ABI3BP: variants seen among roughly 807,000 people sequenced by gnomAD.
ABI3BP encodes the protein target of Nesh-SH3.
In ABI3BP, 216 loss-of-function variants were observed where a neutral mutation model predicts 268.6. The observed-to-expected ratio is 0.80, with a 90% CI of 0.72 to 0.90. The LOEUF (loss-of-function observed/expected upper bound fraction) is 0.90, where lower values mean the gene tolerates loss of function less well. ABI3BP is among the 40% of genes least tolerant of loss of function. The probability of loss-of-function intolerance (pLI) is 0.00; values close to 1 mark genes in which losing one functional copy is unlikely to be tolerated. For missense variants in ABI3BP, 2,090 were observed against 2,182.4 expected, an observed-to-expected ratio of 0.96 and a Z score of 0.84; for synonymous variants, 730 against 730.0, an observed-to-expected ratio of 1.00 and a Z score of 0.00.
At chr3:100,893,965 G>C (rs2045966439) in intron 4 of ABI3BP, among the ~76,000 whole-genome samples, 1 of 152,064 alleles carries the variant, frequency 6.6e-6, no homozygotes, top group African/African-American at 2.4e-5. Context: ...AGAGTGAGTT[G>C]ATAAAGGATA....
chr3:100,867,220 A>G (rs551412619), intron 9 of ABI3BP, among the ~76,000 whole-genome samples: 1 of 130,730 alleles, frequency 7.6e-6, no homozygotes, highest in South Asian at 2.6e-4. Context: ...AAAAATCACA[A>G]CCCAATACTT....
Position 100,840,306 on chromosome 3 carries a change from T to C in ABI3BP, c.1805-142A>G. The C allele has an allele frequency of 1.5e-5, 10 of 645,446 alleles. No individual in the cohort carries two copies. The South Asian group carries it at 2.2e-4, about 14-fold the overall frequency. The allele number at this position is 645,446 out of a possible 1,614,324, so 40.0% of individuals were successfully genotyped here. A position where few individuals can be genotyped will look rare whatever the true frequency, so the allele number is the denominator to read the frequency against. Reference sequence around the variant, plus strand: ...CCATCTGTTTTGCAAACTTCTATCATTATTTATGTAGTTAAATGAGGTCTT... The same window carrying C: ...CCATCTGTTTTGCAAACTTCTATCACTATTTATGTAGTTAAATGAGGTCTT... On this transcript the variant is annotated intron_variant, in intron 22 of 67. Coordinates refer to ENST00000471714, the MANE Select transcript of ABI3BP (RefSeq NM_001375547.2).
chr3:100,944,122 G>A (rs1442639034), intron 1 of ABI3BP, among the ~76,000 whole-genome samples: 5 of 152,052 alleles, frequency 3.3e-5, no homozygotes, highest in Admixed American at 6.6e-5. Context: ...CTGAGAGAAT[G>A]CCAGGCATGA....
At chr3:100,812,036 G>A (rs1250230101) in intron 46 of ABI3BP, among the ~76,000 whole-genome samples, 1 of 152,034 alleles carries the variant, frequency 6.6e-6, no homozygotes, top group African/African-American at 2.4e-5. Context: ...ATAATGTGTG[G>A]CAGAGTCAAC....
intron 6 of ABI3BP, among the ~76,000 whole-genome samples, chr3:100,884,730 T>C (rs2317331): frequency 0.71 from 107,991 of 151,810 alleles, 39,684 homozygotes; most frequent in Non-Finnish European, 0.8. Context: ...ATACTTCCAA[T>C]ATCTAGGGAC....
intron 1 of ABI3BP, among the ~76,000 whole-genome samples, chr3:100,957,366 T>C (rs2077195869): frequency 6.6e-6 from 1 of 151,990 alleles, no homozygotes; most frequent in Admixed American, 6.6e-5. Flanking sequence ...GACAGGAAAA[T>C]ATGGGGTAGA....
At position 100,838,463 on chromosome 3, in the gene ABI3BP, G is replaced by T. The variant is rs1424384272; in HGVS notation, c.1947C>A (p.Ala649=). The change falls in exon 25 of 68, where the codon GCC becomes GCA. Residue 649 remains alanine (A), a splice_region_variant and synonymous_variant. Transcript: ENST00000471714. ...IQPEPLVPTT[A]SKPSERPKTT... is the part of the protein sequence containing the mutation. The stretch of plus-strand genomic sequence containing the variant: ...TTTTAGGTCTCTCAGATGGTTTTGA[G>T]GCTAAAGAAAAAGGTATTAAAATTA... 6.5e-6 allele frequency: 10 copies of T among 1,535,290 alleles called. No homozygotes were observed. The highest frequency in any genetic ancestry group is 8.7e-6 in the Non-Finnish European group (10 of 1,146,376).
rs115707254 is a variant in ABI3BP, at chr3:100,968,429, C to T, written c.79+24877G>A. Among the ~76,000 whole-genome samples, 500 of 152,200 alleles carry T rather than the reference C, an allele frequency of 3.3e-3. 2 individuals carry two copies. Among genetic ancestry groups the T allele is most frequent in the Middle Eastern group, 6.8e-3 (2 of 294 alleles). ...ACAAGAAATACATAGTATTTTGCCA[C>T]CTATGTTACCTAGTTTTATTTTAAT... On this transcript the variant is annotated intron_variant, in intron 1 of 67. Transcript: ENST00000471714.
At chr3:100,824,669 G>C (rs1465311951) in intron 36 of ABI3BP, among the ~76,000 whole-genome samples, 189 bp downstream of exon 36, 2 of 152,176 alleles carry the variant, frequency 1.3e-5, no homozygotes, top group Non-Finnish European at 2.9e-5. Flanking sequence ...AGATATGCTG[G>C]CATCAGTTGG....
chr3:100,860,923 T>C (rs748248172), intron 14 of ABI3BP, among the ~76,000 whole-genome samples: 2 of 152,152 alleles, frequency 1.3e-5, no homozygotes, highest in Non-Finnish European at 2.9e-5. Context: ...AACCATCACA[T>C]ATGCCCCTAG....
At position 100,840,149 on chromosome 3, in the gene ABI3BP, T is replaced by C; in HGVS notation, c.1820A>G (p.Lys607Arg). The C allele has an allele frequency of 6.5e-7, 1 of 1,532,794 alleles. No individual in the cohort carries two copies. The highest frequency in any genetic ancestry group is 8.7e-7 in the Non-Finnish European group (1 of 1,145,458). The allele number at this position is 1,532,794 out of a possible 1,614,324, so 94.9% of individuals were successfully genotyped here. Residue 607 changes from lysine (K) to arginine (R), a missense_variant, in exon 23 of 68, where the codon AAA becomes AGA. Transcript: ENST00000471714. ...GGGGCGGGGGCGACGACCTGGTCTTTTGGTCTTTCGTGGTGCTGAAGAAAG... is the reference window on the plus strand; with the variant it reads ...GGGGCGGGGGCGACGACCTGGTCTTCTGGTCTTTCGTGGTGCTGAAGAAAG... ...PSTTLAPRKT[K>R]RPGRRPRPRP...
rs1560867877 is a variant in ABI3BP, at chr3:100,854,966, GC to G, written c.1286-3027del. Among the ~76,000 whole-genome samples, 12 of 150,642 alleles carry G rather than the reference GC, an allele frequency of 8.0e-5. 1 individual carries two copies. Among genetic ancestry groups the G allele is most frequent in the African/African-American group, 2.9e-4 (12 of 40,896 alleles). ...TCTCCAGATGGAATCTTGCTCTGTC[GC>G]CCAGACTGGAGTGAAATGGCACGAT... On this transcript the variant is annotated intron_variant, in intron 14 of 67. Coordinates refer to ENST00000471714, the MANE Select transcript of ABI3BP (RefSeq NM_001375547.2).
intron 46 of ABI3BP, 74 bp from the exon 47 acceptor site, chr3:100,811,873 T>C: frequency 1.9e-6 from 2 of 1,076,574 alleles, no homozygotes; most frequent in South Asian, 2.8e-5. Context: ...CTGCATTTAA[T>C]TTAAAAATAG....
intron 2 of ABI3BP, among the ~76,000 whole-genome samples, chr3:100,905,161 A>G (rs2052716002): frequency 6.6e-6 from 1 of 152,156 alleles, no homozygotes; most frequent in Non-Finnish European, 1.5e-5. Flanking sequence ...TATCGCAAGG[A>G]CAAAAAACCA....
intron 2 of ABI3BP, among the ~76,000 whole-genome samples, chr3:100,917,649 C>T (rs927929755): frequency 9.2e-5 from 14 of 152,154 alleles, no homozygotes; most frequent in Non-Finnish European, 1.2e-4. Context: ...TGGATATTAT[C>T]GAGAATGACT....
chr3:100,902,709 T>C (rs769626163), intron 2 of ABI3BP, 23 bp from the exon 3 acceptor site: 15 of 1,609,610 alleles, frequency 9.3e-6, no homozygotes, highest in Middle Eastern at 1.6e-4. Flanking sequence ...ACATTATTTA[T>C]CAGAAAAACC....
At chr3:100,969,838 T>A (rs67946790) in intron 1 of ABI3BP, among the ~76,000 whole-genome samples, 15,686 of 148,604 alleles carry the variant, frequency 0.11, 1,090 homozygotes, top group Non-Finnish European at 0.15. Context: ...AGAGTAAAGC[T>A]TTTTTTTTTA....
intron 57 of ABI3BP, among the ~76,000 whole-genome samples, chr3:100,786,426 A>G (rs896310562): frequency 2.6e-5 from 4 of 152,166 alleles, no homozygotes; most frequent in African/African-American, 9.7e-5. Context: ...AAGAATATTT[A>G]TATTGTTGAT....
At chr3:100,937,386 AGT>A (rs1213319267) in intron 1 of ABI3BP, among the ~76,000 whole-genome samples, 3 of 152,062 alleles carry the variant, frequency 2.0e-5, no homozygotes, top group African/African-American at 7.2e-5. Context: ...TATTTAAAGC[AGT>A]GCCAAACTAG....
Sources: gnomAD v4.1 joint callset for allele counts (sites outside exome capture counted in the v4.1 genomes callset) on GRCh38, gnomAD v4.1.1 for gene constraint, MANE v1.5 for transcripts, NCBI Gene and HGNC (gene_info 2026-07-23, HGNC 2026-07-21) for gene names.